The following SEMA6D variants were observed in gnomAD, a reference collection of about 807,000 sequenced individuals.
SEMA6D encodes the protein semaphorin 6D.
A neutral mutation model predicts 106.6 loss-of-function variants in SEMA6D; 35 were observed. That is an observed-to-expected ratio of 0.33 (90% CI 0.25 to 0.44). The LOEUF is 0.44. SEMA6D is among the 20% of genes least tolerant of loss of function. The probability of loss-of-function intolerance (pLI) is 1.00; values close to 1 mark genes in which losing one functional copy is unlikely to be tolerated. For missense variants in SEMA6D, 1,185 were observed against 1,345.9 expected, an observed-to-expected ratio of 0.88 and a Z score of 1.87; for synonymous variants, 499 against 487.7, an observed-to-expected ratio of 1.02 and a Z score of -0.31.
At chr15:47,749,372 C>T (rs550519429) in intron 1 of SEMA6D, among the ~76,000 whole-genome samples, 85 of 152,212 alleles carry the variant, frequency 5.6e-4, no homozygotes, top group African/African-American at 1.8e-3. Context: ...TGAGCCACTG[C>T]GCCCGGCCTA....
At chr15:47,467,693 A>T (rs575014797) in intron 2 of SEMA6D, among the ~76,000 whole-genome samples, 1 of 152,242 alleles carries the variant, frequency 6.6e-6, no homozygotes, top group South Asian at 2.1e-4. Flanking sequence ...TTTGCTAGGG[A>T]TTAACTCATT....
intron 2 of SEMA6D, among the ~76,000 whole-genome samples, chr15:47,452,315 T>G (rs1257971979): frequency 6.8e-6 from 1 of 147,684 alleles, no homozygotes; most frequent in Non-Finnish European, 1.5e-5. Flanking sequence ...GGTGTGTTTA[T>G]CAACCAAAAA....
rs74011222 is a variant in SEMA6D, at chr15:47,703,780, A to T, written c.-54-55965A>T. On this transcript the variant is annotated intron_variant, in intron 4 of 19. Coordinates refer to the SEMA6D transcript ENST00000558014. Reference sequence around the variant, plus strand: ...AATGGCCTAGTTCTCTCTCTTTTTCAGGGCAAGGGGAGATAGGGAGGTTTA... The same window carrying T: ...AATGGCCTAGTTCTCTCTCTTTTTCTGGGCAAGGGGAGATAGGGAGGTTTA... Among the ~76,000 whole-genome samples, 472 of 152,292 alleles carry T rather than the reference A, an allele frequency of 3.1e-3. 4 individuals are homozygous for T. The highest frequency in any genetic ancestry group is 0.011 in the African/African-American group (457 of 41,574).
chr15:47,509,133 CA>C (rs1317664523), intron 3 of SEMA6D, among the ~76,000 whole-genome samples: 1 of 152,160 alleles, frequency 6.6e-6, no homozygotes, highest in Non-Finnish European at 1.5e-5. Flanking sequence ...CACACCCATA[CA>C]GCTAGCACCA....
chr15:47,337,126 A>G (rs1437097858), intron 1 of SEMA6D, among the ~76,000 whole-genome samples: 1 of 152,088 alleles, frequency 6.6e-6, no homozygotes, highest in Non-Finnish European at 1.5e-5. Context: ...CCATAAGAAG[A>G]ACCCTAGTCC....
chr15:47,407,790 A>G (rs1320071439), intron 1 of SEMA6D, among the ~76,000 whole-genome samples: 1 of 152,188 alleles, frequency 6.6e-6, no homozygotes, highest in Non-Finnish European at 1.5e-5. Flanking sequence ...AAGATTTAGC[A>G]TGATTGTCAA....
chr15:47,353,062 A>T (rs1218550965), intron 1 of SEMA6D, among the ~76,000 whole-genome samples: 1 of 112,302 alleles, frequency 8.9e-6, no homozygotes, highest in African/African-American at 2.5e-5. Flanking sequence ...ATGGTAGTTT[A>T]TTTTGTGTGT....
In SEMA6D at chr15:47,538,759, C is replaced by T. The variant is rs938725025; in HGVS notation, c.-86-62106C>T. 9.2e-5 allele frequency among the ~76,000 whole-genome samples: 14 copies of T among 152,002 alleles called. 1 individual carries two copies. In the South Asian group the frequency reaches 2.9e-3, roughly 32 times the overall value. On this transcript the variant is annotated intron_variant, in intron 3 of 19. Transcript: ENST00000558014. ...TAACAAATAACCTTTCCAGAATTTT[C>T]CAACTGTCAAAAAATCTACATAAAA...
At chr15:47,731,073 CAGAT>C (rs1243540704) in intron 1 of SEMA6D, 6 of 549,846 alleles carry the variant, frequency 1.1e-5, no homozygotes, top group Admixed American at 3.2e-5. Flanking sequence ...GACAGACACA[CAGAT>C]AGTCCAACTT....
chr15:47,561,304 GAA>G (rs2046074956), intron 3 of SEMA6D, among the ~76,000 whole-genome samples: 1 of 151,894 alleles, frequency 6.6e-6, no homozygotes, highest in Non-Finnish European at 1.5e-5. Context: ...CATAAACAAT[GAA>G]GTTTAGAAAT....
intron 3 of SEMA6D, among the ~76,000 whole-genome samples, chr15:47,524,190 C>G (rs982852458): frequency 1.3e-5 from 2 of 152,170 alleles, no homozygotes; most frequent in African/African-American, 2.4e-5. Context: ...AAGATTGCTG[C>G]ATGGCGAATG....
At chr15:47,549,674 C>T (rs1018532340) in intron 3 of SEMA6D, among the ~76,000 whole-genome samples, 1 of 152,010 alleles carries the variant, frequency 6.6e-6, no homozygotes, top group Non-Finnish European at 1.5e-5. Context: ...TACCAAATAT[C>T]ATAAACATCT....
At chr15:47,462,811 A>G (rs2042554219) in intron 2 of SEMA6D, among the ~76,000 whole-genome samples, 1 of 152,114 alleles carries the variant, frequency 6.6e-6, no homozygotes, top group South Asian at 2.1e-4. Context: ...AAGATTACTT[A>G]ATTCACCTTG....
intron 3 of SEMA6D, among the ~76,000 whole-genome samples, chr15:47,515,248 A>G (rs1056805151): frequency 2.1e-4 from 32 of 152,250 alleles, no homozygotes; most frequent in African/African-American, 7.2e-4. Flanking sequence ...AGAGTACCCA[A>G]TTCCGCTTGT....
At chr15:47,376,058 G>C (rs1213717929) in intron 1 of SEMA6D, among the ~76,000 whole-genome samples, 1 of 152,194 alleles carries the variant, frequency 6.6e-6, no homozygotes, top group Non-Finnish European at 1.5e-5. Context: ...AGCTAGCACT[G>C]TCTTCAAACA....
intron 1 of SEMA6D, among the ~76,000 whole-genome samples, chr15:47,189,613 T>C (rs1893822721): frequency 6.6e-6 from 1 of 152,242 alleles, no homozygotes; most frequent in Non-Finnish European, 1.5e-5. Context: ...TCTAACCAGC[T>C]ACCTCTAGAT....
Position 47,268,615 on chromosome 15 carries a change from A to G in SEMA6D, c.-239+84197A>G, listed in dbSNP as rs575285193. Among the ~76,000 whole-genome samples, 3 of 152,276 alleles carry G rather than the reference A, an allele frequency of 2.0e-5. No homozygotes were observed. The East Asian group carries it at 5.8e-4, about 29-fold the overall frequency. On this transcript the variant is annotated intron_variant, in intron 1 of 19. Transcript: ENST00000558014. Reference sequence around the variant, plus strand: ...GTGTATGTTGTCCTTGGAAATGGCCAGCACTTACGCCCATCTCCTTGGAAT... The same window carrying G: ...GTGTATGTTGTCCTTGGAAATGGCCGGCACTTACGCCCATCTCCTTGGAAT...
At chr15:47,303,455 C>T (rs568287946) in intron 1 of SEMA6D, among the ~76,000 whole-genome samples, 1 of 152,292 alleles carries the variant, frequency 6.6e-6, no homozygotes, top group East Asian at 1.9e-4. Flanking sequence ...ACATCACCTT[C>T]GTAGTGGGGC....
chr15:47,503,482 G>A lies in SEMA6D; in HGVS notation c.-87+32937G>A, dbSNP rs183463174. Among the ~76,000 whole-genome samples, 849 of 152,260 alleles carry A rather than the reference G, an allele frequency of 5.6e-3. 6 individuals are homozygous for A. The highest frequency in any genetic ancestry group is 0.015 in the Admixed American group (229 of 15,290). On this transcript the variant is annotated intron_variant, in intron 3 of 19. Coordinates refer to the SEMA6D transcript ENST00000558014. ...CCAGCTAGATGACTATGGGCTGGTC[G>A]CAGTTCCATAGCTGTAAAATGGGAC...
Sources: allele counts gnomAD v4.1 joint callset (sites outside exome capture counted in the v4.1 genomes callset), GRCh38; gene constraint gnomAD v4.1.1; transcripts MANE v1.5; gene names NCBI Gene and HGNC (gene_info 2026-07-23, HGNC 2026-07-21).